Variants in FBXW11 observed in about 807,000 individuals in gnomAD.
The protein encoded by FBXW11 is F-box and WD repeat domain containing 11, also known as F-box/WD repeat-containing protein 11.
FBXW11 carries 19 observed loss-of-function variants against 77.6 expected under a neutral mutation model. The observed-to-expected ratio is 0.24, with a 90% CI of 0.17 to 0.36. The LOEUF is 0.36. Among genes scored for constraint, FBXW11 ranks in the 10% least tolerant of loss-of-function variants. FBXW11 has a pLI of 1.00. For missense variants in FBXW11, 334 were observed against 704.2 expected (o/e 0.47, Z 5.95); for synonymous variants, 235 against 249.4 (o/e 0.94, Z 0.54).
At chr5:171,941,452 G>A (rs893360272) in intron 2 of FBXW11, among the ~76,000 whole-genome samples, 5 of 151,550 alleles carry the variant, frequency 3.3e-5, no homozygotes, top group Admixed American at 1.3e-4. Context: ...TCTGAACTGG[G>A]TAGCTCTGCT....
At chr5:171,998,600 C>T (rs1004743233) in intron 1 of FBXW11, among the ~76,000 whole-genome samples, 2 of 151,276 alleles carry the variant, frequency 1.3e-5, no homozygotes, top group Non-Finnish European at 2.9e-5. Flanking sequence ...AGTGTGAGGC[C>T]AGCCTGACCA....
chr5:171,998,039 T>A (rs1333695377), intron 1 of FBXW11, among the ~76,000 whole-genome samples: 4 of 152,148 alleles, frequency 2.6e-5, no homozygotes, highest in Non-Finnish European at 4.4e-5. Context: ...AAGTCCCACA[T>A]CTACTAGGTA....
chr5:171,880,630 T>C (rs561868237), intron 7 of FBXW11, among the ~76,000 whole-genome samples: 114 of 152,366 alleles, frequency 7.5e-4, no homozygotes, highest in African/African-American at 2.6e-3. Flanking sequence ...TTTCTTCACA[T>C]AGATCTTATA....
intron 2 of FBXW11, among the ~76,000 whole-genome samples, chr5:171,917,310 T>A (rs373712920): frequency 3.3e-5 from 5 of 152,202 alleles, no homozygotes; most frequent in African/African-American, 1.2e-4. Flanking sequence ...CCTTAATATT[T>A]TCTTTACTTA....
intron 2 of FBXW11, among the ~76,000 whole-genome samples, chr5:171,927,314 A>G (rs575033386): frequency 3.9e-5 from 6 of 152,382 alleles, no homozygotes; most frequent in South Asian, 4.1e-4. Context: ...ATACCACAAT[A>G]TACCTCAATT....
At chr5:171,898,451 C>T (rs1759897416) in intron 6 of FBXW11, among the ~76,000 whole-genome samples, 1 of 152,174 alleles carries the variant, frequency 6.6e-6, no homozygotes, top group African/African-American at 2.4e-5. Flanking sequence ...CGATATCAAA[C>T]ATCTCCAATG....
At chr5:171,918,804 C>T (rs549007961) in intron 2 of FBXW11, among the ~76,000 whole-genome samples, 3 of 152,160 alleles carry the variant, frequency 2.0e-5, no homozygotes, top group East Asian at 3.9e-4. Context: ...TTGGCCAGTG[C>T]CTGTGCCAGG....
At chr5:171,878,323 T>C (rs945220765) in intron 7 of FBXW11, among the ~76,000 whole-genome samples, 194 bp from the exon 8 acceptor site, 7 of 152,222 alleles carry the variant, frequency 4.6e-5, no homozygotes, top group Admixed American at 2.6e-4. Flanking sequence ...AGGATAGATG[T>C]GCTATTTTGC....
intron 2 of FBXW11, among the ~76,000 whole-genome samples, chr5:171,940,148 C>T (rs1409916129): frequency 1.3e-5 from 2 of 152,046 alleles, no homozygotes; most frequent in African/African-American, 4.8e-5. Flanking sequence ...ACTTGATATG[C>T]ATTCTGGGGT....
intron 2 of FBXW11, among the ~76,000 whole-genome samples, chr5:171,924,078 C>T (rs1761757405): frequency 6.6e-6 from 1 of 151,784 alleles, no homozygotes; most frequent in South Asian, 2.1e-4. Context: ...GCACCCGCCA[C>T]GACACCCAAC....
chr5:171,992,285 G>C (rs866921124), intron 1 of FBXW11, among the ~76,000 whole-genome samples: 1 of 151,802 alleles, frequency 6.6e-6, no homozygotes, highest in East Asian at 1.9e-4. Context: ...AAAATTAGCC[G>C]GGTGGGTTGG....
intron 6 of FBXW11, among the ~76,000 whole-genome samples, chr5:171,896,431 A>C (rs1759749672): frequency 6.6e-6 from 1 of 152,226 alleles, no homozygotes; most frequent in African/African-American, 2.4e-5. Flanking sequence ...AACAGGGCCC[A>C]CTAATCAGAT....
chr5:171,962,100 C>T (rs931906757), intron 1 of FBXW11, among the ~76,000 whole-genome samples: 2 of 152,044 alleles, frequency 1.3e-5, no homozygotes, highest in African/African-American at 2.4e-5. Flanking sequence ...ACAGTACAGA[C>T]GATTGTCCTT....
At chr5:171,897,466 C>T (rs1377684003) in intron 6 of FBXW11, among the ~76,000 whole-genome samples, 4 of 152,166 alleles carry the variant, frequency 2.6e-5, no homozygotes, top group Admixed American at 6.5e-5. Context: ...TCCCCTCACA[C>T]CTGCCTCCTC....
intron 4 of FBXW11, among the ~76,000 whole-genome samples, chr5:171,907,793 C>G (rs1187065994): frequency 6.6e-6 from 1 of 152,142 alleles, no homozygotes; most frequent in Non-Finnish European, 1.5e-5. Context: ...TTATACTAAC[C>G]ATATTTATAT....
At chr5:171,921,400 C>T (rs536064037) in intron 2 of FBXW11, among the ~76,000 whole-genome samples, 1 of 152,284 alleles carries the variant, frequency 6.6e-6, no homozygotes, top group Admixed American at 6.5e-5. Context: ...AAGAGTCACA[C>T]AGCTAGTAAA....
At chr5:171,981,135 T>C (rs1165643783) in intron 1 of FBXW11, among the ~76,000 whole-genome samples, 2 of 102,074 alleles carry the variant, frequency 2.0e-5, no homozygotes, top group South Asian at 3.8e-4. Context: ...TCCTAGGTAA[T>C]GTGACCTCCA....
chr5:171,890,393 C>T (rs1370549279), intron 7 of FBXW11, among the ~76,000 whole-genome samples: 2 of 150,078 alleles, frequency 1.3e-5, no homozygotes, highest in Non-Finnish European at 3.0e-5. Context: ...CGTGGTGCCA[C>T]ATGCCTGTAG....
At chr5:172,004,333 G>A (rs771903800) in intron 1 of FBXW11, among the ~76,000 whole-genome samples, 8 of 151,966 alleles carry the variant, frequency 5.3e-5, no homozygotes, top group East Asian at 3.8e-4. Context: ...AAAATTAATC[G>A]TAATATAACT....
Sources: gnomAD v4.1 joint callset for allele counts (sites outside exome capture counted in the v4.1 genomes callset) on GRCh38, gnomAD v4.1.1 for gene constraint, MANE v1.5 for transcripts, NCBI Gene and HGNC (gene_info 2026-07-23, HGNC 2026-07-21) for gene names.